OXTR: variants seen among roughly 807,000 people sequenced by gnomAD.
OXTR encodes oxytocin receptor.
OXTR carries 19 observed loss-of-function variants against 23.9 expected under a neutral mutation model. The observed-to-expected ratio is 0.80, with a 90% CI of 0.56 to 1.17. The LOEUF (loss-of-function observed/expected upper bound fraction) is 1.17, where lower values mean the gene tolerates loss of function less well. Ranked by LOEUF, OXTR falls within the 50% of genes most tolerant of loss-of-function variation. OXTR has a pLI of 0.00. For missense variants in OXTR, 500 were observed against 550.7 expected, an observed-to-expected ratio of 0.91 and a Z score of 0.92; for synonymous variants, 278 against 250.5, an observed-to-expected ratio of 1.11 and a Z score of -1.04.
At chr3:8,744,353 A>C in the OXTR span, among the ~76,000 whole-genome samples, 9 of 141,300 alleles carry the variant, frequency 6.4e-5, no homozygotes, top group African/African-American at 1.9e-4. Context: ...ATCTCGGCTC[A>C]CTGCAAGCCC....
chr3:8,745,655 G>A (rs112626848), downstream of OXTR: 245 of 1,614,070 alleles, frequency 1.5e-4, no homozygotes, highest in Admixed American at 2.7e-4. The surrounding 1 kb of genome is among the most constrained non-coding windows in gnomAD (Gnocchi z 4.8). Context: ...GCTGCTGGGC[G>A]TCCCACTGGC....
At chr3:8,761,328 G>A (rs539014714) in intron 3 of OXTR, among the ~76,000 whole-genome samples, 3 of 151,894 alleles carry the variant, frequency 2.0e-5, no homozygotes, top group Admixed American at 6.6e-5. Flanking sequence ...TGTGTACCTC[G>A]GTGTGTGTGT....
At chr3:8,758,263 A>G (rs1314946624) in intron 3 of OXTR, among the ~76,000 whole-genome samples, 2 of 152,152 alleles carry the variant, frequency 1.3e-5, no homozygotes, top group Non-Finnish European at 2.9e-5. Context: ...TCTCCACCCC[A>G]GCACTGAAAC....
chr3:8,759,955 A>G (rs1559672047), intron 3 of OXTR, among the ~76,000 whole-genome samples: 1 of 152,172 alleles, frequency 6.6e-6, no homozygotes, highest in Admixed American at 6.5e-5. Flanking sequence ...CCAGAGCTAG[A>G]ACCTTCCAAC....
At chr3:8,745,592 A>G, downstream of OXTR, 1 of 1,614,032 alleles carries the variant, frequency 6.2e-7, no homozygotes, top group Non-Finnish European at 8.5e-7. The surrounding 1 kb of genome is among the most constrained non-coding windows in gnomAD (Gnocchi z 4.8). Flanking sequence ...GTGGAAGGTG[A>G]GCTACACCAC....
the OXTR span, chr3:8,744,765 C>G: frequency 6.6e-6 from 1 of 152,304 alleles, no homozygotes; most frequent in Non-Finnish European, 1.5e-5. Flanking sequence ...GTCCAACACC[C>G]TTCAGATCAT....
intron 3 of OXTR, among the ~76,000 whole-genome samples, chr3:8,753,968 G>A (rs780233841): frequency 5.3e-5 from 8 of 152,176 alleles, no homozygotes; most frequent in Admixed American, 2.6e-4. Context: ...GCAGAGCAGG[G>A]AAGAAATGTG....
intron 3 of OXTR, among the ~76,000 whole-genome samples, chr3:8,762,239 G>A (rs2125002691): frequency 6.6e-6 from 1 of 152,284 alleles, no homozygotes; most frequent in South Asian, 2.1e-4. Context: ...CACACAGACA[G>A]CCATCAAATG....
At chr3:8,764,305 G>T (rs1708558305) in intron 3 of OXTR, among the ~76,000 whole-genome samples, 1 of 152,192 alleles carries the variant, frequency 6.6e-6, no homozygotes, top group African/African-American at 2.4e-5. Context: ...CTCCCTGTGA[G>T]CCTGCTCCAC....
Position 8,767,322 on chromosome 3 carries a change from G to A in OXTR, c.866C>T (p.Thr289Met), listed in dbSNP as rs1244817296. The A allele has an allele frequency of 3.7e-5, 60 of 1,604,318 alleles. No individual in the cohort carries two copies. The highest frequency in any genetic ancestry group is 4.9e-5 in the Non-Finnish European group (58 of 1,176,456). The change falls in exon 3 of 4, where the codon ACG (threonine) becomes ATG (methionine). Residue 289 changes from threonine (T) to methionine (M), a missense_variant. Thr to Met is a moderately conservative substitution (Grantham distance 81). Coordinates refer to ENST00000316793, the MANE Select transcript of OXTR (RefSeq NM_000916.4). ...CCACATCTGCACGAAGAAGAAAGGC[G>A]TCCAGCACACGATGAAGGCCAGCAC... Reference protein sequence around the residue: ...IIVLAFIVCWTPFFFVQMWSV... With the variant: ...IIVLAFIVCWMPFFFVQMWSV...
In OXTR at chr3:8,753,092, A is replaced by G; in HGVS notation, c.1055T>C (p.Leu352Pro). The part of the protein sequence containing the change: ...QRFLCCSASY[L>P]KGRRLGETSA... ...CGTCTCTCCCAGGCGTCTGCCCTTCAGGTAGCTGGCGGAGCAGCACAGGAA... is the reference window on the plus strand; with the variant it reads ...CGTCTCTCCCAGGCGTCTGCCCTTCGGGTAGCTGGCGGAGCAGCACAGGAA... Residue 352 changes from leucine (L) to proline (P), a missense_variant, in exon 4 of 4, where the codon CTG becomes CCG. Transcript: ENST00000316793. 6.2e-7 allele frequency: 1 copy of G among 1,614,156 alleles called. No individual in the cohort carries two copies.
At chr3:8,766,335 C>T (rs546117207) in intron 3 of OXTR, among the ~76,000 whole-genome samples, 33 of 152,254 alleles carry the variant, frequency 2.2e-4, no homozygotes, top group African/African-American at 7.2e-4. Context: ...CCCTAGGGTG[C>T]CTCTGTTCCT....
At chr3:8,753,361 G>T (rs1444390046) in intron 3 of OXTR, 137 bp from the exon 4 acceptor site, 3 of 1,064,822 alleles carry the variant, frequency 2.8e-6, no homozygotes, top group East Asian at 5.2e-5. Flanking sequence ...ACAAGATGAG[G>T]TACTAAAGAG....
At chr3:8,746,207 G>A (rs538468291), downstream of OXTR, 273 of 230,956 alleles carry the variant, frequency 1.2e-3, 2 homozygotes, top group African/African-American at 5.7e-3. Flanking sequence ...ACCTCTCCAC[G>A]CGCACTCAGG....
downstream of OXTR, chr3:8,745,437 G>T (rs13060135): frequency 0.12 from 117,288 of 996,752 alleles, 8,360 homozygotes; most frequent in Non-Finnish European, 0.15. This position sits in a 1 kb window ranked among gnomAD's most constrained non-coding sequence, Gnocchi z 4.8. Context: ...CTGACCTCTA[G>T]GGGATTCTGA....
chr3:8,744,445 ATTTTTTTTTTTT>A, the OXTR span, among the ~76,000 whole-genome samples: 2 of 111,408 alleles, frequency 1.8e-5, no homozygotes, highest in Admixed American at 9.9e-5. Flanking sequence ...TACCCGGCTA[ATTTTTTTTTTTT>A]TTTTTTTTTT....
rs963677019 is a variant in OXTR, at chr3:8,769,459, C to A, written c.-467G>T. ...CAGGAGGCGAGCGAGGAGCGCCTCC[C>A]AGGCTGCGCGCGCGGACAGCGTCTG... is the stretch of plus-strand genomic sequence containing the variant. On this transcript the variant is annotated 5_prime_UTR_variant, in exon 1 of 4. Coordinates refer to ENST00000316793, the MANE Select transcript of OXTR (RefSeq NM_000916.4). The A allele has an allele frequency of 6.6e-6, 1 of 152,290 alleles. No homozygotes were observed. The highest frequency in any genetic ancestry group is 2.4e-5 in the African/African-American group (1 of 41,474). The allele number at this position is 152,290 out of a possible 1,614,324, so 9.4% of individuals were successfully genotyped here.
At chr3:8,753,394 C>T (rs1354520553) in intron 3 of OXTR, among the ~76,000 whole-genome samples, 170 bp from the exon 4 acceptor site, 1 of 152,212 alleles carries the variant, frequency 6.6e-6, no homozygotes, top group Non-Finnish European at 1.5e-5. Context: ...TTCCTTCTCC[C>T]TCCTTGTCCT....
chr3:8,758,022 T>C (rs1268829228), intron 3 of OXTR, among the ~76,000 whole-genome samples: 2 of 151,330 alleles, frequency 1.3e-5, no homozygotes, highest in Non-Finnish European at 2.9e-5. Flanking sequence ...CTAGGGGTGG[T>C]TTTCAAGTGC....
Sources: gnomAD v4.1 joint callset for allele counts (sites outside exome capture counted in the v4.1 genomes callset) on GRCh38, gnomAD v4.1.1 for gene constraint, Gnocchi (gnomAD v3.1) non-coding constraint, MANE v1.5 for transcripts, NCBI Gene and HGNC (gene_info 2026-07-23, HGNC 2026-07-21) for gene names.